Variants in HNF1A observed in about 807,000 individuals in gnomAD.
The protein encoded by HNF1A is HNF1 homeobox A.
A neutral mutation model predicts 62.2 loss-of-function variants in HNF1A; 21 were observed. That is an observed-to-expected ratio of 0.34 (90% confidence interval 0.24 to 0.49). The LOEUF (loss-of-function observed/expected upper bound fraction) is 0.49. Ranked by LOEUF, HNF1A falls within the 20% of genes least tolerant of loss-of-function variation. The pLI, the probability that HNF1A is intolerant of heterozygous loss-of-function variation, is 0.99. For synonymous variants in HNF1A, 374 were observed against 366.8 expected, an observed-to-expected ratio of 1.02 and a Z score of -0.22; for missense variants, 687 against 832.3, an observed-to-expected ratio of 0.83 and a Z score of 2.15.
At chr12:120,983,916 CTGTGTGTGTGTG>C (rs61680384) in intron 1 of HNF1A, among the ~76,000 whole-genome samples, 14 of 137,364 alleles carry the variant, frequency 1.0e-4, no homozygotes, top group Non-Finnish European at 2.0e-4. Context: ...CTTGAAGACT[CTGTGTGTGTGTG>C]TGTGTGTGTG....
At position 121,002,164 on chromosome 12, in the gene HNF1A, C is replaced by A; in HGVS notation, c.*972C>A. 2 of 492,382 alleles carry A rather than the reference C, an allele frequency of 4.1e-6. No homozygotes were observed. Among genetic ancestry groups the A allele is most frequent in the South Asian group, 3.4e-5 (2 of 58,374 alleles). 30.5% of individuals were successfully genotyped at this position (492,382 alleles called of 1,614,324 possible). A position where few individuals can be genotyped will look rare whatever the true frequency, so the allele number is the denominator to read the frequency against. ...CCGGGGAACTGGCCAAGCTGAGGTGCCCAGGAGAAGAAAGAGGTGACCCCA... is the reference window on the plus strand; with the variant it reads ...CCGGGGAACTGGCCAAGCTGAGGTGACCAGGAGAAGAAAGAGGTGACCCCA... On this transcript the variant is annotated 3_prime_UTR_variant, in exon 10 of 10. Transcript: ENST00000257555.
intron 2 of HNF1A, among the ~76,000 whole-genome samples, chr12:120,991,579 G>A (rs539278089): frequency 6.6e-6 from 1 of 152,238 alleles, no homozygotes; most frequent in South Asian, 2.1e-4. Flanking sequence ...GGGTGACAGA[G>A]GGAGACTCTG....
intron 4 of HNF1A, among the ~76,000 whole-genome samples, chr12:120,995,801 C>T (rs1217694726): frequency 6.6e-6 from 1 of 152,138 alleles, no homozygotes; most frequent in East Asian, 1.9e-4. Context: ...CGACTGTACC[C>T]ATTCCACTTG....
intron 8 of HNF1A, 34 bp from the exon 9 acceptor site, chr12:120,999,449 C>A (rs760760085): frequency 1.9e-6 from 3 of 1,612,848 alleles, no homozygotes; most frequent in African/African-American, 1.3e-5. Flanking sequence ...ACCCCCACAT[C>A]CCCCGGGCTC....
chr12:120,997,964 T>C (rs1877204665), intron 7 of HNF1A: 3 of 617,138 alleles, frequency 4.9e-6, no homozygotes, highest in Non-Finnish European at 8.8e-6. Context: ...TATGAATTTC[T>C]AAAATCTATT....
Position 120,979,106 on chromosome 12 carries a change from T to G in HNF1A, c.326+12T>G. The G allele has an allele frequency of 6.2e-7, 1 of 1,601,352 alleles. No individual in the cohort carries two copies. Reference sequence around the variant, plus strand: ...GAGACCCTTCTGCAGTAAGGAGCCCTGCCCCGTCCCCGCTCCCAGGAGAGC... The same window carrying G: ...GAGACCCTTCTGCAGTAAGGAGCCCGGCCCCGTCCCCGCTCCCAGGAGAGC... On this transcript the variant is annotated intron_variant, in intron 1 of 9. Transcript: ENST00000257555.
rs773044544 is a variant in HNF1A, at chr12:120,999,603, C to T, written c.1744C>T (p.His582Tyr). The T allele has an allele frequency of 2.5e-6, 4 of 1,610,890 alleles. No homozygotes were observed. The highest frequency in any genetic ancestry group is 1.1e-5 in the South Asian group (1 of 90,986). ...PASIQHLQPA[H>Y]RLSASPTVSS... is the part of the protein sequence containing the mutation. ...CAGCATCCAGCACCTGCAGCCGGCC[C>T]ACCGGCTCAGCGCCAGCCCCACAGG... Residue 582 changes from histidine (H) to tyrosine (Y), a missense_variant, in exon 9 of 10, where the codon CAC becomes TAC. Transcript: ENST00000257555.
chr12:120,987,327 T>G (rs1252739649), intron 1 of HNF1A, among the ~76,000 whole-genome samples: 3 of 151,406 alleles, frequency 2.0e-5, no homozygotes, highest in Non-Finnish European at 4.4e-5. Context: ...ACAAAAAAAT[T>G]AGCCGGGCGT....
intron 1 of HNF1A, among the ~76,000 whole-genome samples, chr12:120,988,252 TCATCCATCC>T (rs1310564117): frequency 1.7e-4 from 21 of 125,700 alleles, no homozygotes; most frequent in African/African-American, 5.0e-4. Flanking sequence ...CATCCATCCA[TCATCCATCC>T]ACCCACCCAC....
intron 1 of HNF1A, among the ~76,000 whole-genome samples, chr12:120,987,307 T>C (rs920487849): frequency 3.7e-4 from 56 of 151,656 alleles, no homozygotes; most frequent in Admixed American, 1.1e-3. Flanking sequence ...ACCCCGTCTC[T>C]ACTAAAAATA....
In HNF1A at chr12:120,999,530, G is replaced by A. The variant is rs149755240; in HGVS notation, c.1671G>A (p.Thr557=). The change falls in exon 9 of 10, where the codon ACG becomes ACA. Residue 557 remains threonine (T), a synonymous_variant. Transcript: ENST00000257555. ...TEASSESGLH[T]PASQATTLHV... is the part of the protein sequence containing the mutation. ...CCTCCAGTGAGTCCGGGCTTCACACGCCGGCATCTCAGGCCACCACCCTCC... is the reference window on the plus strand; with the variant it reads ...CCTCCAGTGAGTCCGGGCTTCACACACCGGCATCTCAGGCCACCACCCTCC... 23 of 1,613,180 alleles carry A rather than the reference G, an allele frequency of 1.4e-5. No homozygotes were observed. The highest frequency in any genetic ancestry group is 4.5e-5 in the East Asian group (2 of 44,884).
intron 4 of HNF1A, among the ~76,000 whole-genome samples, chr12:120,995,230 A>G (rs980356558): frequency 6.8e-6 from 1 of 147,340 alleles, no homozygotes; most frequent in Admixed American, 6.7e-5. Context: ...TCCATACTCT[A>G]TTCCATCCAC....
chr12:120,988,565 G>T (rs939175343), intron 1 of HNF1A, among the ~76,000 whole-genome samples: 4 of 152,196 alleles, frequency 2.6e-5, no homozygotes, highest in African/African-American at 9.7e-5. Context: ...TCCAGTGTCT[G>T]TATCCATAGG....
In HNF1A at chr12:120,994,316, C is replaced by A. The variant is rs267603343; in HGVS notation, c.866C>A (p.Pro289His). 6.2e-7 allele frequency: 1 copy of A among 1,610,342 alleles called. No individual in the cohort carries two copies. Among genetic ancestry groups the A allele is most frequent in the South Asian group, 1.1e-5 (1 of 90,538 alleles). Residue 289 changes from proline (P) to histidine (H), a missense_variant, in exon 4 of 10, where the codon CCC becomes CAC. Around this residue, in one of 5 missense-constraint regions of HNF1A, gnomAD observed 408 missense variants for 455.3 expected, o/e 0.90. Coordinates refer to ENST00000257555, the MANE Select transcript of HNF1A (RefSeq NM_000545.8). ...HKLAMDTYSG[P>H]PPGPGPGPAL... ...CTGGCCATGGACACGTACAGCGGGCCCCCCCCAGGGCCAGGCCCGGGACCT... is the reference window on the plus strand; with the variant it reads ...CTGGCCATGGACACGTACAGCGGGCACCCCCCAGGGCCAGGCCCGGGACCT...
At chr12:120,990,581 G>T (rs1876771101) in intron 2 of HNF1A, among the ~76,000 whole-genome samples, 1 of 140,490 alleles carries the variant, frequency 7.1e-6, no homozygotes, top group South Asian at 2.2e-4. Flanking sequence ...CTCTAAAAAA[G>T]AAAGAAAGGA....
intron 9 of HNF1A, chr12:121,000,775 C>T (rs1877401903): frequency 2.1e-6 from 1 of 467,092 alleles, no homozygotes; most frequent in South Asian, 2.1e-5. Flanking sequence ...TAGTGTTTGA[C>T]TCAGCCTAGC....
chr12:120,984,868 G>T (rs1401558256), intron 1 of HNF1A, among the ~76,000 whole-genome samples: 1 of 151,426 alleles, frequency 6.6e-6, no homozygotes, highest in Non-Finnish European at 1.5e-5. Flanking sequence ...ACTTCCTAGG[G>T]TTATAAGATG....
intron 9 of HNF1A, among the ~76,000 whole-genome samples, chr12:121,000,116 G>A (rs551122341): frequency 6.6e-6 from 1 of 152,202 alleles, no homozygotes; most frequent in African/African-American, 2.4e-5. Context: ...CACTCACATC[G>A]GCTCCAATGA....
chr12:120,985,717 G>C (rs1876477119), intron 1 of HNF1A, among the ~76,000 whole-genome samples: 1 of 151,724 alleles, frequency 6.6e-6, no homozygotes, highest in African/African-American at 2.4e-5. Context: ...GGGCACGGTG[G>C]CTCACACCTG....
Sources: allele counts gnomAD v4.1 joint callset (sites outside exome capture counted in the v4.1 genomes callset), GRCh38; gene constraint gnomAD v4.1.1; regional missense constraint gnomAD v4.1.1; transcripts MANE v1.5; gene names NCBI Gene and HGNC (gene_info 2026-07-23, HGNC 2026-07-21).